Variants in C10orf143 observed in about 807,000 individuals in gnomAD.
The protein encoded by C10orf143 is chromosome 10 open reading frame 143.
At chr10:130,035,436 A>G (rs924708894) in intron 4 of C10orf143, among the ~76,000 whole-genome samples, 1 of 152,212 alleles carries the variant, frequency 6.6e-6, no homozygotes, top group Non-Finnish European at 1.5e-5. Flanking sequence ...ATATCGATAC[A>G]TGAATTTGGG....
intron 1 of C10orf143, among the ~76,000 whole-genome samples, chr10:130,102,554 G>A (rs927852569): frequency 1.1e-4 from 16 of 152,086 alleles, no homozygotes; most frequent in African/African-American, 2.9e-4. Flanking sequence ...GATTAAAGGC[G>A]TGAGCCACTG....
At chr10:130,101,849 CAAAAAAAAAAAAAACCAAAAAA>C (rs1861557375) in intron 1 of C10orf143, among the ~76,000 whole-genome samples, 2 of 26,928 alleles carry the variant, frequency 7.4e-5, no homozygotes, top group Non-Finnish European at 1.6e-4. Context: ...GACTCTGTCT[CAAAAAAAAAAAAAACCAAAAAA>C]AAAAAAAAAA....
chr10:130,106,046 A>C, intron 1 of C10orf143: 1 of 542,172 alleles, frequency 1.8e-6, no homozygotes, highest in Non-Finnish European at 3.6e-6. Flanking sequence ...CCTTGGCGCT[A>C]TGTTGGAGCC....
chr10:130,038,268 G>A (rs538479315), intron 3 of C10orf143, among the ~76,000 whole-genome samples: 2 of 152,162 alleles, frequency 1.3e-5, no homozygotes, highest in Admixed American at 6.5e-5. Flanking sequence ...TTTCGGGTTC[G>A]GGACTGCTCA....
chr10:130,062,949 G>T (rs886885927), downstream of C10orf143, among the ~76,000 whole-genome samples: 1 of 151,698 alleles, frequency 6.6e-6, no homozygotes, highest in African/African-American at 2.4e-5. Context: ...CACACTGTGG[G>T]CTAAGGGCAA....
chr10:130,110,649 C>T (rs1484869079), intron 1 of C10orf143, 55 bp downstream of exon 1: 1 of 398,484 alleles, frequency 2.5e-6, no homozygotes, highest in Admixed American at 4.4e-5. Flanking sequence ...CGGTGGGAAC[C>T]CGCCCAGGGG....
At chr10:130,078,000 T>A (rs989936401) in intron 3 of C10orf143, among the ~76,000 whole-genome samples, 2 of 152,190 alleles carry the variant, frequency 1.3e-5, no homozygotes, top group Admixed American at 6.5e-5. Context: ...GTTTCTGAAA[T>A]TTAGATGAAA....
intron 1 of C10orf143, among the ~76,000 whole-genome samples, chr10:130,091,569 G>A (rs577251173): frequency 6.6e-6 from 1 of 152,206 alleles, no homozygotes; most frequent in Non-Finnish European, 1.5e-5. Flanking sequence ...GAATGAGTTT[G>A]ATGAGTCAAC....
At chr10:130,078,435 T>A (rs1010501282) in intron 3 of C10orf143, among the ~76,000 whole-genome samples, 2 of 152,222 alleles carry the variant, frequency 1.3e-5, no homozygotes, top group African/African-American at 4.8e-5. Flanking sequence ...TTCTAGGGTA[T>A]GTTTAACAGT....
intron 1 of C10orf143, chr10:130,108,425 G>T (rs1861702138): frequency 2.3e-6 from 2 of 869,336 alleles, no homozygotes; most frequent in African/African-American, 3.3e-5. Flanking sequence ...GCCTGCTACG[G>T]AACATCCAAA....
At chr10:130,085,368 C>T (rs1221298814) in intron 1 of C10orf143, among the ~76,000 whole-genome samples, 6 of 152,328 alleles carry the variant, frequency 3.9e-5, no homozygotes, top group East Asian at 1.9e-4. Context: ...CTCCGTACAA[C>T]GTACCAAGAT....
At chr10:130,106,500 TAAAAG>T in intron 1 of C10orf143, 5 of 1,601,476 alleles carry the variant, frequency 3.1e-6, no homozygotes, top group South Asian at 2.2e-5. Flanking sequence ...GAAAAAGAGT[TAAAAG>T]AAGAGAAATC....
intron 1 of C10orf143, chr10:130,107,832 C>T (rs55975328): frequency 0.21 from 256,935 of 1,245,734 alleles, 27,624 homozygotes; most frequent in South Asian, 0.28. Context: ...CTGTCACTTC[C>T]GAGGGAACAG....
At position 130,101,231 on chromosome 10, in the gene C10orf143, AATCT is replaced by A. The variant is rs1258679613; in HGVS notation, c.69+9469_69+9472del. ...CTCTGTCTGGGGAAAAAAAAAAAAAAATCTATCTATTTATCTAGGCTGAAAGTAT... is the reference window on the plus strand; with the variant it reads ...CTCTGTCTGGGGAAAAAAAAAAAAAAATCTATTTATCTAGGCTGAAAGTAT... On this transcript the variant is annotated intron_variant, in intron 1 of 3. Coordinates refer to ENST00000637128, the MANE Select transcript of C10orf143 (RefSeq NM_001355042.2). The A allele has an allele frequency of 5.3e-5, 8 of 152,058 alleles. No individual in the cohort carries two copies. The South Asian group carries it at 6.2e-4, about 12-fold the overall frequency. The allele number at this position is 152,058 out of a possible 1,614,324, so 9.4% of individuals were successfully genotyped here.
intron 1 of C10orf143, among the ~76,000 whole-genome samples, chr10:130,080,670 A>G (rs1043036877): frequency 1.3e-5 from 2 of 152,236 alleles, no homozygotes; most frequent in African/African-American, 2.4e-5. Flanking sequence ...CTGATGTCAG[A>G]ACACACTTCA....
At position 130,096,472 on chromosome 10, in the gene C10orf143, C is replaced by T. The variant is rs546858299; in HGVS notation, c.69+14232G>A. ...ACCCAAAAGATTATAAATCATTCTACTTTAAAGACACATGCACATGTATGT... is the reference window on the plus strand; with the variant it reads ...ACCCAAAAGATTATAAATCATTCTATTTTAAAGACACATGCACATGTATGT... On this transcript the variant is annotated intron_variant, in intron 1 of 3. Transcript: ENST00000637128. Among the ~76,000 whole-genome samples, 198 of 151,206 alleles carry T rather than the reference C, an allele frequency of 1.3e-3. 1 individual carries two copies. Among genetic ancestry groups the T allele is most frequent in the African/African-American group, 4.5e-3 (185 of 41,196 alleles).
chr10:130,106,677 C>CT, intron 1 of C10orf143: 1 of 1,237,816 alleles, frequency 8.1e-7, no homozygotes, highest in Non-Finnish European at 1.2e-6. Flanking sequence ...ATAAAAGATG[C>CT]TTTGAATGAA....
At chr10:130,083,943 A>G (rs1400470151) in intron 1 of C10orf143, among the ~76,000 whole-genome samples, 1 of 152,196 alleles carries the variant, frequency 6.6e-6, no homozygotes, top group Non-Finnish European at 1.5e-5. Context: ...GGAATACAAA[A>G]ATAATGAACC....
At chr10:130,095,763 C>T (rs1861452839) in intron 1 of C10orf143, among the ~76,000 whole-genome samples, 1 of 152,138 alleles carries the variant, frequency 6.6e-6, no homozygotes, top group Admixed American at 6.6e-5. Flanking sequence ...AAACTGGACC[C>T]CTTCCTTACA....
Sources: allele counts gnomAD v4.1 joint callset (sites outside exome capture counted in the v4.1 genomes callset), GRCh38; gene constraint gnomAD v4.1.1; transcripts MANE v1.5; gene names NCBI Gene and HGNC (gene_info 2026-07-23, HGNC 2026-07-21).